The following PBX1 variants were observed in gnomAD, a reference collection of about 807,000 sequenced individuals.
PBX1 encodes the protein PBX homeobox 1, also known as pre-B-cell leukemia transcription factor 1.
In PBX1, 6 loss-of-function variants were observed where a neutral mutation model predicts 53.4. That is an observed-to-expected ratio of 0.11 (90% CI 0.06 to 0.22). PBX1 has a LOEUF of 0.22. PBX1 is among the 10% of genes least tolerant of loss of function. The pLI, the probability that PBX1 is intolerant of heterozygous loss-of-function variation, is 1.00. For missense variants in PBX1, 251 were observed against 551.4 expected (o/e 0.46, Z 5.46); for synonymous variants, 204 against 212.3 (o/e 0.96, Z 0.34).
chr1:164,736,203 G>A lies in PBX1; in HGVS notation c.266-56291G>A, dbSNP rs139059796. Among the ~76,000 whole-genome samples, 461 of 152,250 alleles carry A rather than the reference G, an allele frequency of 3.0e-3. 2 individuals carry two copies. The highest frequency in any genetic ancestry group is 4.2e-3 in the Non-Finnish European group (287 of 68,042). On this transcript the variant is annotated intron_variant, in intron 2 of 8. Transcript: ENST00000420696. ...CTTCATTACAATCTGCCTTCAGGCCGGAATTGCCCTGCTTAAGCCTCAAAT... is the reference window on the plus strand; with the variant it reads ...CTTCATTACAATCTGCCTTCAGGCCAGAATTGCCCTGCTTAAGCCTCAAAT...
At chr1:164,756,224 CAAAGACCA>C (rs1013645270) in intron 2 of PBX1, among the ~76,000 whole-genome samples, 1 of 152,054 alleles carries the variant, frequency 6.6e-6, no homozygotes, top group Non-Finnish European at 1.5e-5. Flanking sequence ...TGGCTGGGGA[CAAAGACCA>C]GTCCTCCATC....
intron 2 of PBX1, among the ~76,000 whole-genome samples, chr1:164,878,344 TAAA>T (rs2102462734): frequency 6.6e-6 from 1 of 152,318 alleles, no homozygotes; most frequent in Admixed American, 6.5e-5. Context: ...TTTTAAAAAA[TAAA>T]AATAAATTGT....
intron 2 of PBX1, among the ~76,000 whole-genome samples, chr1:164,636,757 G>C: frequency 6.6e-6 from 1 of 152,122 alleles, no homozygotes; most frequent in South Asian, 2.1e-4. Flanking sequence ...CACTTAGAAG[G>C]CCTGAGTTTT....
At chr1:164,703,687 A>T (rs926505466) in intron 2 of PBX1, among the ~76,000 whole-genome samples, 2 of 152,186 alleles carry the variant, frequency 1.3e-5, no homozygotes, top group Non-Finnish European at 2.9e-5. Flanking sequence ...GAATATGAGA[A>T]ACTCTGGCCA....
At chr1:164,790,656 C>G (rs1218047972) in intron 2 of PBX1, among the ~76,000 whole-genome samples, 7 of 152,160 alleles carry the variant, frequency 4.6e-5, no homozygotes, top group African/African-American at 7.2e-5. Context: ...GCTCGCCATT[C>G]CATTTGATGG....
At chr1:164,829,558 T>C (rs183647501) in intron 8 of PBX1, 35 of 152,222 alleles carry the variant, frequency 2.3e-4, no homozygotes, top group African/African-American at 8.4e-4. Flanking sequence ...TTCTCACTTA[T>C]AGGTAGGAAC....
chr1:164,594,597 AAATTT>A (rs1176484425), intron 2 of PBX1, among the ~76,000 whole-genome samples: 1 of 152,230 alleles, frequency 6.6e-6, no homozygotes, highest in East Asian at 1.9e-4. Context: ...GAGTTACTTT[AAATTT>A]AAGTAGAAAA....
intron 6 of PBX1, among the ~76,000 whole-genome samples, chr1:164,812,464 A>C (rs1015465673): frequency 2.0e-5 from 3 of 152,214 alleles, no homozygotes; most frequent in Non-Finnish European, 2.9e-5. Flanking sequence ...AGTAAGTTAG[A>C]CATAGTGCTT....
chr1:164,639,114 G>A (rs1316882245), intron 2 of PBX1, among the ~76,000 whole-genome samples: 1 of 152,192 alleles, frequency 6.6e-6, no homozygotes, highest in African/African-American at 2.4e-5. Flanking sequence ...GCTCTTGTCT[G>A]TAAGGGATAG....
intron 2 of PBX1, among the ~76,000 whole-genome samples, chr1:164,599,814 T>A (rs1357206124): frequency 6.6e-6 from 1 of 152,248 alleles, no homozygotes; most frequent in African/African-American, 2.4e-5. Flanking sequence ...TCCTACTGGT[T>A]TGCTAAGCAA....
intron 3 of PBX1, among the ~76,000 whole-genome samples, chr1:164,793,795 C>T (rs1239718737): frequency 1.4e-5 from 2 of 147,308 alleles, no homozygotes; most frequent in African/African-American, 5.0e-5. Context: ...ATTAGCTTTT[C>T]TTTTCTTTTC....
chr1:164,750,133 TG>T (rs1025926936), intron 2 of PBX1, among the ~76,000 whole-genome samples: 1 of 141,978 alleles, frequency 7.0e-6, no homozygotes, highest in African/African-American at 2.7e-5. Context: ...GCTTTCAAAC[TG>T]GGGGCTAGTT....
At chr1:164,737,334 A>G (rs939435003) in intron 2 of PBX1, among the ~76,000 whole-genome samples, 1 of 152,164 alleles carries the variant, frequency 6.6e-6, no homozygotes, top group Non-Finnish European at 1.5e-5. Context: ...ATATATAAAT[A>G]TATCAGAGTT....
At chr1:164,643,432 T>C (rs1189843142) in intron 2 of PBX1, among the ~76,000 whole-genome samples, 2 of 152,206 alleles carry the variant, frequency 1.3e-5, no homozygotes, top group African/African-American at 4.8e-5. Context: ...GGGTTGGTTT[T>C]CTTAATTCTC....
intron 3 of PBX1, among the ~76,000 whole-genome samples, chr1:164,793,223 G>A (rs1036231899): frequency 6.6e-6 from 1 of 152,094 alleles, no homozygotes; most frequent in African/African-American, 2.4e-5. Context: ...TTAAAACTTG[G>A]CCCTAGAGTC....
At chr1:164,807,832 G>A (rs899525898) in intron 5 of PBX1, among the ~76,000 whole-genome samples, 155 bp downstream of exon 5, 10 of 152,198 alleles carry the variant, frequency 6.6e-5, no homozygotes, top group African/African-American at 1.2e-4. Flanking sequence ...ATGTGTATGC[G>A]TATAAGTGAG....
chr1:164,801,055 C>CTCACTCCCTTTTAG (rs1412834682), intron 4 of PBX1, among the ~76,000 whole-genome samples: 16 of 152,062 alleles, frequency 1.1e-4, no homozygotes, highest in Non-Finnish European at 2.1e-4. Flanking sequence ...ATCTTTTTTC[C>CTCACTCCCTTTTAG]TCACTCCCTT....
In PBX1 at chr1:164,849,941, C is replaced by T. The variant is rs1671750727; in HGVS notation, c.*3265C>T. On this transcript the variant is annotated 3_prime_UTR_variant, in exon 9 of 9. Transcript: ENST00000420696. The stretch of plus-strand genomic sequence containing the variant: ...AAAAAATACTCAACGATTCTTTCAG[C>T]TTTATTAACATTTTCCATTGTTTCT... 8.8e-6 allele frequency: 2 copies of T among 227,984 alleles called. No individual in the cohort carries two copies. The highest frequency in any genetic ancestry group is 1.1e-4 in the Admixed American group (2 of 17,628). The allele number at this position is 227,984 out of a possible 1,614,324, so 14.1% of individuals were successfully genotyped here.
intron 2 of PBX1, chr1:164,774,313 C>T (rs1667541223): frequency 3.3e-5 from 5 of 152,168 alleles, no homozygotes; most frequent in Admixed American, 3.3e-4. Context: ...TCATTAAATG[C>T]TGGACTCTCA....
Sources: gnomAD v4.1 joint callset for allele counts (sites outside exome capture counted in the v4.1 genomes callset) on GRCh38, gnomAD v4.1.1 for gene constraint, MANE v1.5 for transcripts, NCBI Gene and HGNC (gene_info 2026-07-23, HGNC 2026-07-21) for gene names.